PALM2AKAP2: variants seen among roughly 807,000 people sequenced by gnomAD.
PALM2AKAP2 encodes PALM2 and AKAP2 fusion, also known as PALM2-AKAP2 fusion protein.
In PALM2AKAP2, 37 loss-of-function variants were observed where a neutral mutation model predicts 71.5. The observed-to-expected ratio is 0.52, with a 90% CI of 0.40 to 0.68. PALM2AKAP2 has a LOEUF of 0.68. Among genes scored for constraint, PALM2AKAP2 ranks in the 30% least tolerant of loss-of-function variants. The pLI is 0.00. For missense variants in PALM2AKAP2, 1,224 were observed against 1,191.8 expected (o/e 1.03, Z -0.40); for synonymous variants, 468 against 478.8 (o/e 0.98, Z 0.29).
At chr9:109,691,865 T>TATATATATATATAC (rs1827894483) in intron 1 of PALM2AKAP2, among the ~76,000 whole-genome samples, 1 of 45,368 alleles carries the variant, frequency 2.2e-5, no homozygotes, top group Non-Finnish European at 4.1e-5. Context: ...TATATATATA[T>TATATATATATATAC]ATACACACAC....
intron 1 of PALM2AKAP2, among the ~76,000 whole-genome samples, chr9:109,730,377 C>T (rs557111347): frequency 6.6e-6 from 1 of 152,258 alleles, no homozygotes; most frequent in Non-Finnish European, 1.5e-5. Context: ...GGTCAATTAC[C>T]TTTGTGAGGT....
intron 1 of PALM2AKAP2, among the ~76,000 whole-genome samples, chr9:109,742,177 G>A (rs1828724288): frequency 6.6e-6 from 1 of 151,962 alleles, no homozygotes; most frequent in African/African-American, 2.4e-5. Context: ...TGTGTAGCCT[G>A]TGGATGTACT....
intron 2 of PALM2AKAP2, among the ~76,000 whole-genome samples, chr9:109,879,814 A>C (rs1164543201): frequency 1.3e-5 from 2 of 150,940 alleles, no homozygotes; most frequent in East Asian, 3.9e-4. Flanking sequence ...CTCCCACCTC[A>C]GCCTTCCCAA....
intron 6 of PALM2AKAP2, among the ~76,000 whole-genome samples, chr9:109,958,148 A>T (rs1050625167): frequency 1.3e-5 from 2 of 152,062 alleles, no homozygotes; most frequent in Non-Finnish European, 2.9e-5. Context: ...GTTGATTGAA[A>T]AAAAAAAACA....
intron 1 of PALM2AKAP2, among the ~76,000 whole-genome samples, chr9:109,854,894 C>T (rs1829120378): frequency 6.7e-6 from 1 of 148,732 alleles, no homozygotes; most frequent in South Asian, 2.1e-4. Context: ...CCTCAGCCTC[C>T]TGAGTAGCTG....
At chr9:109,985,736 G>A (rs1032070240) in intron 6 of PALM2AKAP2, among the ~76,000 whole-genome samples, 45 of 148,536 alleles carry the variant, frequency 3.0e-4, no homozygotes, top group South Asian at 8.5e-4. Context: ...TGCAACCTTC[G>A]CCTCCTAGGT....
At chr9:110,104,768 T>G (rs529129175) in intron 1 of PALM2AKAP2, among the ~76,000 whole-genome samples, 2 of 152,344 alleles carry the variant, frequency 1.3e-5, no homozygotes, top group African/African-American at 4.8e-5. Flanking sequence ...TTTCAAACCT[T>G]GAATTCTACT....
At chr9:109,999,836 G>A (rs764888080) in intron 6 of PALM2AKAP2, among the ~76,000 whole-genome samples, 2 of 152,156 alleles carry the variant, frequency 1.3e-5, no homozygotes, top group Non-Finnish European at 2.9e-5. Context: ...CACTGGGGCT[G>A]AGCTAAGACA....
intron 7 of PALM2AKAP2, among the ~76,000 whole-genome samples, chr9:110,030,146 G>A (rs115870010): frequency 1.5e-3 from 224 of 152,320 alleles, no homozygotes; most frequent in African/African-American, 5.2e-3. Flanking sequence ...ATGGGGTACA[G>A]ATGGTTATAT....
intron 6 of PALM2AKAP2, among the ~76,000 whole-genome samples, chr9:109,953,834 CAAAA>C (rs34719180): frequency 1.6e-4 from 8 of 48,628 alleles, no homozygotes; most frequent in Admixed American, 1.1e-3. Flanking sequence ...GACTCCATCT[CAAAA>C]AAAAAAAAAA....
intron 1 of PALM2AKAP2, among the ~76,000 whole-genome samples, chr9:109,785,191 G>A (rs775332162): frequency 2.4e-4 from 36 of 152,180 alleles, no homozygotes; most frequent in Non-Finnish European, 2.6e-4. Context: ...ATATATGTGC[G>A]GAAATAGGAA....
chr9:109,782,360 A>T (rs1308917246), intron 1 of PALM2AKAP2, among the ~76,000 whole-genome samples: 1 of 144,996 alleles, frequency 6.9e-6, no homozygotes, highest in African/African-American at 2.9e-5. Flanking sequence ...ATGTGCACCT[A>T]ATACAGTCTG....
chr9:109,818,749 T>C (rs1827914545), intron 1 of PALM2AKAP2, among the ~76,000 whole-genome samples: 1 of 152,186 alleles, frequency 6.6e-6, no homozygotes, highest in Non-Finnish European at 1.5e-5. Context: ...GTTTTGACAC[T>C]TTATTTCACT....
chr9:110,168,359 A>G, intron 3 of PALM2AKAP2, 40 bp from the exon 11 acceptor site: 1 of 1,593,420 alleles, frequency 6.3e-7, no homozygotes, highest in South Asian at 1.1e-5. Context: ...CATAATTAAC[A>G]TCCATGAACT....
intron 7 of PALM2AKAP2, among the ~76,000 whole-genome samples, chr9:110,041,141 C>A (rs778384545): frequency 1.3e-5 from 2 of 152,116 alleles, no homozygotes; most frequent in Non-Finnish European, 2.9e-5. Flanking sequence ...AATCAAGGTG[C>A]CATCTTGCTT....
At chr9:110,108,453 G>C (rs1835168432) in intron 1 of PALM2AKAP2, among the ~76,000 whole-genome samples, 1 of 152,114 alleles carries the variant, frequency 6.6e-6, no homozygotes, top group Non-Finnish European at 1.5e-5. Flanking sequence ...CCAAAAAGAA[G>C]ATATAATAAA....
chr9:109,673,151 T>G (rs1827600739), intron 1 of PALM2AKAP2, among the ~76,000 whole-genome samples: 1 of 152,108 alleles, frequency 6.6e-6, no homozygotes, highest in South Asian at 2.1e-4. Context: ...TCTGCTAGAT[T>G]TGGGATTCGT....
At chr9:109,900,487 T>A (rs1161042105) in intron 3 of PALM2AKAP2, among the ~76,000 whole-genome samples, 1 of 152,206 alleles carries the variant, frequency 6.6e-6, no homozygotes, top group Non-Finnish European at 1.5e-5. Context: ...GTCCTCAAGA[T>A]AGTAGAAATT....
At chr9:109,702,323 C>A (rs996409211) in intron 1 of PALM2AKAP2, among the ~76,000 whole-genome samples, 7 of 152,172 alleles carry the variant, frequency 4.6e-5, no homozygotes, top group African/African-American at 1.2e-4. Context: ...TTCACAATAG[C>A]AAAGACTTGG....
Sources: allele counts gnomAD v4.1 joint callset (sites outside exome capture counted in the v4.1 genomes callset), GRCh38; gene constraint gnomAD v4.1.1; transcripts MANE v1.5; gene names NCBI Gene and HGNC (gene_info 2026-07-23, HGNC 2026-07-21).